The following MGAT4C variants were observed in gnomAD, a reference collection of about 807,000 sequenced individuals.
MGAT4C encodes the protein MGAT4 family member C.
Under a neutral mutation model 40.1 loss-of-function variants are expected in MGAT4C, and 19 were observed. The observed-to-expected ratio is 0.47, with a 90% CI of 0.33 to 0.70. The LOEUF is 0.70. Ranked by LOEUF, MGAT4C falls within the 30% of genes least tolerant of loss-of-function variation. The pLI is 0.02. For synonymous variants in MGAT4C, 181 were observed against 187.1 expected (o/e 0.97, Z 0.27); for missense variants, 491 against 563.2 (o/e 0.87, Z 1.30).
chr12:86,550,809 C>T (rs1216905658), intron 2 of MGAT4C, among the ~76,000 whole-genome samples: 3 of 152,180 alleles, frequency 2.0e-5, no homozygotes, highest in Non-Finnish European at 4.4e-5. Context: ...CTCTGAGTTA[C>T]CAAGCAGTTG....
intron 1 of MGAT4C, among the ~76,000 whole-genome samples, chr12:86,774,882 C>G (rs993045800): frequency 2.6e-5 from 4 of 152,028 alleles, no homozygotes; most frequent in African/African-American, 9.7e-5. Context: ...TAAAGTAACA[C>G]ACAAAGGCAA....
At chr12:86,103,928 T>C (rs1875616280) in intron 1 of MGAT4C, among the ~76,000 whole-genome samples, 1 of 152,202 alleles carries the variant, frequency 6.6e-6, no homozygotes, top group African/African-American at 2.4e-5. Flanking sequence ...ACAAATTATT[T>C]GTCTAAATTA....
chr12:86,099,955 C>A (rs1336530512), intron 1 of MGAT4C, among the ~76,000 whole-genome samples: 2 of 151,340 alleles, frequency 1.3e-5, no homozygotes, highest in Non-Finnish European at 3.0e-5. Context: ...ACCATTTTCT[C>A]ATTTCATCTA....
intron 4 of MGAT4C, among the ~76,000 whole-genome samples, chr12:86,288,732 C>A (rs549825235): frequency 1.5e-3 from 228 of 152,130 alleles, no homozygotes; most frequent in African/African-American, 5.2e-3. Context: ...AGTGTCTGTT[C>A]ATGTTCTTTG....
intron 1 of MGAT4C, among the ~76,000 whole-genome samples, chr12:86,233,107 T>C (rs184451618): frequency 1.5e-4 from 23 of 152,320 alleles, no homozygotes; most frequent in Non-Finnish European, 8.8e-5. Context: ...TTAACTTAGA[T>C]TTATTCTGTT....
Position 86,082,008 on chromosome 12 carries a change from C to T in MGAT4C, c.-56-32285G>A, listed in dbSNP as rs1036772142. On this transcript the variant is annotated intron_variant, in intron 1 of 4. Coordinates refer to ENST00000611864, the MANE Select transcript of MGAT4C (RefSeq NM_001351288.2). ...TTTGTGCAGCATACTGTCTAGGGAC[C>T]CCTTGCCCAGTGGGAGCTCTTAGTA... is the stretch of plus-strand genomic sequence containing the variant. 2.0e-5 allele frequency among the ~76,000 whole-genome samples: 3 copies of T among 152,104 alleles called. No individual in the cohort carries two copies. The South Asian group carries it at 6.2e-4, about 32-fold the overall frequency.
chr12:86,414,250 C>T (rs1956660793), intron 3 of MGAT4C, among the ~76,000 whole-genome samples: 1 of 151,918 alleles, frequency 6.6e-6, no homozygotes, highest in East Asian at 1.9e-4. Flanking sequence ...AATACAGAAA[C>T]ATAAAGATTC....
At position 85,959,886 on chromosome 12, in the gene MGAT4C, A is replaced by G. The variant is rs1470615643; in HGVS notation, c.*19403T>C. On this transcript the variant is annotated 3_prime_UTR_variant, in exon 5 of 5. Transcript: ENST00000611864. ...TTTTATTATATGTCTTTTGCTTATT[A>G]AAGGATTAAAATCCACCTCTAAACT... 1 of 151,336 alleles carries G rather than the reference A, an allele frequency of 6.6e-6. No homozygotes were observed. The highest frequency in any genetic ancestry group is 1.5e-5 in the Non-Finnish European group (1 of 67,648). 9.4% of individuals were successfully genotyped at this position (151,336 alleles called of 1,614,324 possible).
At chr12:86,548,409 T>C (rs1159444733) in intron 2 of MGAT4C, among the ~76,000 whole-genome samples, 4 of 152,162 alleles carry the variant, frequency 2.6e-5, no homozygotes, top group Admixed American at 2.6e-4. Flanking sequence ...ATATGACAGT[T>C]AACATACTTC....
chr12:86,507,035 G>A (rs1958483586), intron 2 of MGAT4C, among the ~76,000 whole-genome samples: 1 of 152,022 alleles, frequency 6.6e-6, no homozygotes, highest in Non-Finnish European at 1.5e-5. Context: ...GAAAAATGAG[G>A]CTATCTTGAC....
chr12:86,333,277 T>A (rs1008700172), intron 4 of MGAT4C, among the ~76,000 whole-genome samples: 1 of 152,128 alleles, frequency 6.6e-6, no homozygotes, highest in African/African-American at 2.4e-5. Context: ...GGGAAAAAAA[T>A]TCCCCTTATT....
intron 2 of MGAT4C, among the ~76,000 whole-genome samples, chr12:86,714,045 T>C (rs184781161): frequency 6.6e-5 from 10 of 152,298 alleles, no homozygotes; most frequent in Admixed American, 5.2e-4. Flanking sequence ...GCAACAGCAC[T>C]AAATTTTATT....
chr12:86,657,777 G>A (rs1021215551), intron 2 of MGAT4C, among the ~76,000 whole-genome samples: 1 of 151,836 alleles, frequency 6.6e-6, no homozygotes, highest in South Asian at 2.1e-4. Flanking sequence ...GCATTCTAAT[G>A]CTTAAACCAG....
chr12:86,654,816 A>G (rs532967068), intron 2 of MGAT4C, among the ~76,000 whole-genome samples: 26 of 150,520 alleles, frequency 1.7e-4, no homozygotes, highest in African/African-American at 6.3e-4. Context: ...GCTGTTGTGT[A>G]TTGCGGTGAA....
chr12:86,083,318 A>G (rs2135548523), intron 1 of MGAT4C, among the ~76,000 whole-genome samples: 1 of 152,146 alleles, frequency 6.6e-6, no homozygotes, highest in Non-Finnish European at 1.5e-5. Flanking sequence ...ACCTTCTCTC[A>G]TTGATTCTCA....
chr12:86,080,057 G>A (rs1410782611), intron 1 of MGAT4C, among the ~76,000 whole-genome samples: 1 of 151,786 alleles, frequency 6.6e-6, no homozygotes, highest in African/African-American at 2.4e-5. Flanking sequence ...GTTCTGTTAC[G>A]CTAGAGGGCC....
chr12:86,224,240 A>G (rs1950991751), intron 1 of MGAT4C, among the ~76,000 whole-genome samples: 1 of 152,208 alleles, frequency 6.6e-6, no homozygotes, highest in African/African-American at 2.4e-5. Context: ...TATAATGATA[A>G]AGAGATCAAT....
chr12:86,076,046 C>T (rs1869633125), intron 1 of MGAT4C, among the ~76,000 whole-genome samples: 1 of 152,202 alleles, frequency 6.6e-6, no homozygotes, highest in Admixed American at 6.5e-5. Flanking sequence ...AGTTTGTGAA[C>T]TTTTGTGCTC....
intron 1 of MGAT4C, among the ~76,000 whole-genome samples, chr12:86,147,208 G>A (rs534335459): frequency 2.0e-4 from 30 of 152,262 alleles, no homozygotes; most frequent in Non-Finnish European, 1.5e-5. Context: ...GATGAGGTGA[G>A]GGTATAGAGA....
Sources: allele counts gnomAD v4.1 joint callset (sites outside exome capture counted in the v4.1 genomes callset), GRCh38; gene constraint gnomAD v4.1.1; transcripts MANE v1.5; gene names NCBI Gene and HGNC (gene_info 2026-07-23, HGNC 2026-07-21).